Variants in CPLX2 observed in about 807,000 individuals in gnomAD.
CPLX2 encodes the protein complexin-2.
A neutral mutation model predicts 16.3 loss-of-function variants in CPLX2; 5 were observed. That is an observed-to-expected ratio of 0.31 (90% CI 0.16 to 0.64). The LOEUF (loss-of-function observed/expected upper bound fraction) is 0.64. Ranked by LOEUF, CPLX2 falls within the 30% of genes least tolerant of loss-of-function variation. CPLX2 has a pLI of 0.79. For missense variants in CPLX2, 144 were observed against 181.4 expected (o/e 0.79, Z 1.18); for synonymous variants, 89 against 73.2 (o/e 1.22, Z -1.10).
intron 2 of CPLX2, among the ~76,000 whole-genome samples, chr5:175,822,507 T>C (rs959682923): frequency 6.6e-6 from 1 of 152,224 alleles, no homozygotes; most frequent in Admixed American, 6.5e-5. Flanking sequence ...AACGAGGCTC[T>C]TTAGACTTAA....
intron 2 of CPLX2, among the ~76,000 whole-genome samples, chr5:175,847,357 G>T (rs915779521): frequency 6.6e-6 from 1 of 152,150 alleles, no homozygotes; most frequent in African/African-American, 2.4e-5. Context: ...CAGGGGCTGG[G>T]TCCGAGGTCT....
chr5:175,848,410 A>G (rs1228556969), intron 2 of CPLX2, among the ~76,000 whole-genome samples: 1 of 152,240 alleles, frequency 6.6e-6, no homozygotes, highest in Non-Finnish European at 1.5e-5. Flanking sequence ...AGGACAAGGC[A>G]TTCCAAGAAA....
At chr5:175,819,550 G>T (rs755008744) in intron 2 of CPLX2, among the ~76,000 whole-genome samples, 2 of 152,184 alleles carry the variant, frequency 1.3e-5, no homozygotes, top group Non-Finnish European at 2.9e-5. Context: ...TTCCCAAAGT[G>T]TCTATTCAAG....
At chr5:175,826,105 C>T (rs1447973042) in intron 2 of CPLX2, among the ~76,000 whole-genome samples, 1 of 151,914 alleles carries the variant, frequency 6.6e-6, no homozygotes, top group East Asian at 1.9e-4. Flanking sequence ...ACTAGCGGCA[C>T]CACGAGGTTA....
intron 1 of CPLX2, among the ~76,000 whole-genome samples, chr5:175,877,441 C>CAACA: frequency 6.6e-6 from 1 of 152,264 alleles, no homozygotes; most frequent in South Asian, 2.1e-4. Context: ...GCCTTGAACC[C>CAACA]AACAAGGTTG....
intron 2 of CPLX2, among the ~76,000 whole-genome samples, chr5:175,847,012 C>T (rs1759054758): frequency 6.6e-6 from 1 of 152,148 alleles, no homozygotes; most frequent in Non-Finnish European, 1.5e-5. Flanking sequence ...GCTACTTCTC[C>T]TATTTAGGAG....
intron 2 of CPLX2, among the ~76,000 whole-genome samples, chr5:175,860,526 AAGAAAGAAAGAAAGAT>A (rs879443540): frequency 0.22 from 9,031 of 40,314 alleles, 652 homozygotes; most frequent in African/African-American, 0.33. Context: ...AAAAGAAAGA[AAGAAAGAAAGAAAGAT>A]AGATAGAAAG....
At chr5:175,876,952 A>G (rs1759772619) in intron 1 of CPLX2, among the ~76,000 whole-genome samples, 1 of 152,246 alleles carries the variant, frequency 6.6e-6, no homozygotes, top group Non-Finnish European at 1.5e-5. Context: ...TTTCTGAGAA[A>G]GCATGGAAAG....
intron 2 of CPLX2, among the ~76,000 whole-genome samples, chr5:175,811,267 A>AAAG (rs1178102045): frequency 6.6e-6 from 1 of 152,188 alleles, no homozygotes; most frequent in East Asian, 1.9e-4. Flanking sequence ...GGTGGTTTGA[A>AAAG]AAGTCTTGAG....
At chr5:175,806,206 T>TC (rs1758196459) in intron 1 of CPLX2, among the ~76,000 whole-genome samples, 1 of 151,356 alleles carries the variant, frequency 6.6e-6, no homozygotes, top group East Asian at 2.0e-4. Flanking sequence ...CTTTTTTTTT[T>TC]TGGCCCTGAG....
At chr5:175,829,383 G>A (rs750326890) in intron 2 of CPLX2, among the ~76,000 whole-genome samples, 6 of 152,238 alleles carry the variant, frequency 3.9e-5, no homozygotes, top group South Asian at 4.1e-4. Flanking sequence ...AGCTCACCTC[G>A]GGAAGAAGGC....
At chr5:175,873,315 G>C (rs1581103493) in intron 1 of CPLX2, among the ~76,000 whole-genome samples, 1 of 151,898 alleles carries the variant, frequency 6.6e-6, no homozygotes, top group East Asian at 1.9e-4. Context: ...TCTAAGTCCA[G>C]AGTTGCACAC....
Position 175,878,938 on chromosome 5 carries a change from G to T in CPLX2, c.62G>T (p.Gly21Val), listed in dbSNP as rs980478393. Residue 21 changes from glycine to valine, a missense_variant, in exon 3 of 4, where the codon GGG (glycine) becomes GTG (valine). Gly to Val is a moderately radical substitution (Grantham distance 109). Coordinates refer to ENST00000393745, the MANE Select transcript of CPLX2 (RefSeq NM_001008220.2). ...GATKDMGKML[G>V]GEEEKDPDAQ... Reference sequence around the variant, plus strand: ...ACAAAGGACATGGGGAAGATGCTGGGGGGAGAGGAGGAGAAGGACCCCGAC... The same window carrying T: ...ACAAAGGACATGGGGAAGATGCTGGTGGGAGAGGAGGAGAAGGACCCCGAC... 2 of 1,612,512 alleles carry T rather than the reference G, an allele frequency of 1.2e-6. No homozygotes were observed. Among genetic ancestry groups the T allele is most frequent in the Admixed American group, 1.7e-5 (1 of 59,882 alleles).
chr5:175,849,326 C>T lies in CPLX2; in HGVS notation c.-88-29326C>T, dbSNP rs750445863. Among the ~76,000 whole-genome samples, 1 of 152,162 alleles carries T rather than the reference C, an allele frequency of 6.6e-6. No homozygotes were observed. The highest frequency in any genetic ancestry group is 1.5e-5 in the Non-Finnish European group (1 of 68,026). Reference sequence around the variant, plus strand: ...TGTGCTCTCTGATTCCAAAGGGACACCTGATGGTGAGTTTCGCAACACTGG... The same window carrying T: ...TGTGCTCTCTGATTCCAAAGGGACATCTGATGGTGAGTTTCGCAACACTGG... On this transcript the variant is annotated intron_variant, in intron 2 of 4. Coordinates refer to the CPLX2 transcript ENST00000359546. The surrounding 1 kb of genome is among the most constrained non-coding windows in gnomAD (Gnocchi z 4.4).
intron 2 of CPLX2, among the ~76,000 whole-genome samples, chr5:175,843,340 T>C (rs1375479520): frequency 1.3e-5 from 2 of 152,166 alleles, no homozygotes; most frequent in Admixed American, 1.3e-4. Flanking sequence ...CACACTGTGG[T>C]CTCACGCATG....
chr5:175,801,373 G>A (rs1271246637), intron 1 of CPLX2, among the ~76,000 whole-genome samples: 1 of 152,156 alleles, frequency 6.6e-6, no homozygotes, highest in East Asian at 1.9e-4. Context: ...ACAGAGACAA[G>A]AAGATTTAAG....
chr5:175,871,361 G>A (rs1427250252), upstream of CPLX2: 3 of 142,186 alleles, frequency 2.1e-5, no homozygotes, highest in African/African-American at 8.0e-5. Flanking sequence ...GAGGGAGAGA[G>A]GGAGAGAAGG....
chr5:175,804,234 T>C (rs776653471), intron 1 of CPLX2, among the ~76,000 whole-genome samples: 2 of 152,320 alleles, frequency 1.3e-5, no homozygotes, highest in Admixed American at 1.3e-4. Context: ...TTTGCTTAAC[T>C]GCAGGGACAC....
At chr5:175,871,411 GA>G (rs1759593422), upstream of CPLX2, 1 of 21,208 alleles carries the variant, frequency 4.7e-5, no homozygotes, top group Non-Finnish European at 9.4e-5. Flanking sequence ...AGAGAGAGAG[GA>G]GAGAGAGAGA....
Sources: allele counts gnomAD v4.1 joint callset (sites outside exome capture counted in the v4.1 genomes callset), GRCh38; gene constraint gnomAD v4.1.1; non-coding constraint Gnocchi (gnomAD v3.1); transcripts MANE v1.5; gene names NCBI Gene and HGNC (gene_info 2026-07-23, HGNC 2026-07-21).